The following GTSF1 variants were observed in gnomAD, a reference collection of about 807,000 sequenced individuals.
GTSF1 encodes the protein gametocyte-specific factor 1.
Under a neutral mutation model 28.9 loss-of-function variants are expected in GTSF1, and 11 were observed. The ratio of observed to expected loss-of-function variants is 0.38; its 90% confidence interval spans 0.24 to 0.63. The LOEUF is 0.63. Ranked by LOEUF, GTSF1 falls within the 30% of genes least tolerant of loss-of-function variation. GTSF1 has a pLI of 0.56. For missense variants in GTSF1, 146 were observed against 201.0 expected (o/e 0.73, Z 1.66); for synonymous variants, 69 against 65.6 (o/e 1.05, Z -0.25).
At chr12:54,460,339 T>G in intron 7 of GTSF1, 38 bp downstream of exon 7, 1 of 1,408,544 alleles carries the variant, frequency 7.1e-7, no homozygotes, top group Non-Finnish European at 1.0e-6. Context: ...TTTAGCACAA[T>G]GAAAAGAGTA....
intron 8 of GTSF1, among the ~76,000 whole-genome samples, chr12:54,458,019 T>G (rs1472434164): frequency 1.3e-5 from 2 of 152,240 alleles, no homozygotes; most frequent in Non-Finnish European, 2.9e-5. Context: ...GTTTCACTGT[T>G]CAGAGAGAGT....
intron 3 of GTSF1, among the ~76,000 whole-genome samples, chr12:54,463,634 G>T (rs1172233803): frequency 6.6e-6 from 1 of 152,132 alleles, no homozygotes; most frequent in African/African-American, 2.4e-5. Context: ...AGGCAGCACA[G>T]CCCGTAATGA....
At position 54,456,024 on chromosome 12, in the gene GTSF1, A is replaced by T. The variant is rs1956324919; in HGVS notation, c.*150T>A. On this transcript the variant is annotated 3_prime_UTR_variant, in exon 9 of 9. Coordinates refer to ENST00000305879, the MANE Select transcript of GTSF1 (RefSeq NM_144594.3). ...GGTTCTTGCATTAAATGAGGATTCA[A>T]GGGGGGAGGAAAAAAGTGTGCTTGT... 6.6e-6 allele frequency: 1 copy of T among 152,588 alleles called. No homozygotes were observed. The highest frequency in any genetic ancestry group is 1.5e-5 in the Non-Finnish European group (1 of 68,026). The allele number at this position is 152,588 out of a possible 1,614,324, so 9.5% of individuals were successfully genotyped here.
intron 2 of GTSF1, among the ~76,000 whole-genome samples, chr12:54,470,379 C>T (rs1401593349): frequency 6.6e-6 from 1 of 152,152 alleles, no homozygotes; most frequent in Non-Finnish European, 1.5e-5. Context: ...TGCATGTTAA[C>T]AAGTTTGAGA....
chr12:54,469,784 G>T (rs986548376), intron 2 of GTSF1, among the ~76,000 whole-genome samples: 1 of 151,472 alleles, frequency 6.6e-6, no homozygotes, highest in Non-Finnish European at 1.5e-5. Flanking sequence ...TAACTCCTAG[G>T]CTCAAGTGAT....
At chr12:54,461,982 T>C (rs1956430183) in intron 6 of GTSF1, 127 bp downstream of exon 6, 1 of 655,024 alleles carries the variant, frequency 1.5e-6, no homozygotes, top group Non-Finnish European at 2.7e-6. Context: ...CAAAACAATA[T>C]CTAGACTAAA....
At chr12:54,465,008 T>C (rs1337957395) in intron 3 of GTSF1, 59 bp downstream of exon 3, 1 of 959,702 alleles carries the variant, frequency 1.0e-6, no homozygotes, top group Non-Finnish European at 1.6e-6. Flanking sequence ...TTGATATTTA[T>C]AAAATATGGC....
intron 2 of GTSF1, among the ~76,000 whole-genome samples, chr12:54,466,408 T>C (rs1956513162): frequency 6.6e-6 from 1 of 152,138 alleles, no homozygotes; most frequent in Admixed American, 6.5e-5. Context: ...TTGCCAACCA[T>C]GATCGTGATG....
Position 54,465,116 on chromosome 12 carries a change from T to C in GTSF1, c.68A>G (p.His23Arg), listed in dbSNP as rs1404762151. The C allele has an allele frequency of 1.9e-6, 3 of 1,613,608 alleles. No homozygotes were observed. The highest frequency in any genetic ancestry group is 2.5e-6 in the Non-Finnish European group (3 of 1,179,630). The change falls in exon 3 of 9, where the codon CAT becomes CGT. Residue 23 changes from histidine (H) to arginine (R), a missense_variant. His to Arg is a conservative substitution (Grantham distance 29). Coordinates refer to ENST00000305879, the MANE Select transcript of GTSF1 (RefSeq NM_144594.3). ...KLLQCPYDKN[H>R]QIRACRFPYH... ...AGGAAACCTGCAAGCCCTGATTTGA[T>C]GGTTTTTGTCATAGGGGCATTGCAA...
chr12:54,472,772 A>G (rs1956607835), intron 1 of GTSF1: 1 of 152,148 alleles, frequency 6.6e-6, no homozygotes, highest in Admixed American at 6.5e-5. Flanking sequence ...TTTTTTTGCT[A>G]CTGAGCCCAT....
intron 3 of GTSF1, chr12:54,464,590 T>C (rs999718560): frequency 5.2e-5 from 8 of 152,446 alleles, no homozygotes; most frequent in African/African-American, 1.9e-4. Flanking sequence ...CGTTATTTAT[T>C]ATTTTTTTAA....
chr12:54,456,954 A>G (rs1956341800), intron 8 of GTSF1, among the ~76,000 whole-genome samples: 1 of 152,122 alleles, frequency 6.6e-6, no homozygotes, highest in South Asian at 2.1e-4. Context: ...GCGTGGTGGC[A>G]CACACCTGTA....
chr12:54,460,487 T>C lies in GTSF1; in HGVS notation c.393-16A>G. 1 of 1,587,312 alleles carries C rather than the reference T, an allele frequency of 6.3e-7. No homozygotes were observed. On this transcript the variant is annotated splice_polypyrimidine_tract_variant and intron_variant, in intron 6 of 8. Coordinates refer to ENST00000305879, the MANE Select transcript of GTSF1 (RefSeq NM_144594.3). Reference sequence around the variant, plus strand: ...GCTCGCAGGGCTGCAAAAAGATGAATTTGGCTATGTCGGCAGATCAGTATC... The same window carrying C: ...GCTCGCAGGGCTGCAAAAAGATGAACTTGGCTATGTCGGCAGATCAGTATC...
At chr12:54,465,304 A>G (rs536505536) in intron 2 of GTSF1, 137 bp from the exon 3 acceptor site, 1 of 499,260 alleles carries the variant, frequency 2.0e-6, no homozygotes, top group Non-Finnish European at 3.6e-6. Context: ...TGGATTAAAA[A>G]AAAAGGGTGA....
At chr12:54,460,293 A>G in intron 7 of GTSF1, 84 bp downstream of exon 7, 1 of 1,016,972 alleles carries the variant, frequency 9.8e-7, no homozygotes, top group East Asian at 2.4e-5. Flanking sequence ...CAAGGTGTTC[A>G]GACTGAACAC....
rs188520598 is a variant in GTSF1 at position 54,462,182 on chromosome 12, G to A, written c.329-10C>T. 4.7e-4 allele frequency: 749 copies of A among 1,608,696 alleles called. 3 individuals are homozygous for A. The African/African-American group carries it at 8.0e-3, about 17-fold the overall frequency. Reference sequence around the variant, plus strand: ...GTCTGCTCCCACAAATCTGTTAAAGGAAGCAAAACATAGTTTGTGGTACTA... The same window carrying A: ...GTCTGCTCCCACAAATCTGTTAAAGAAAGCAAAACATAGTTTGTGGTACTA... On this transcript the variant is annotated splice_polypyrimidine_tract_variant and intron_variant, in intron 5 of 8. Coordinates refer to ENST00000305879, the MANE Select transcript of GTSF1 (RefSeq NM_144594.3).
chr12:54,457,054 C>T (rs1956343592), intron 8 of GTSF1, among the ~76,000 whole-genome samples: 1 of 152,176 alleles, frequency 6.6e-6, no homozygotes, highest in South Asian at 2.1e-4. Context: ...CACTGCACTC[C>T]AGCCTGTGTG....
chr12:54,467,831 A>G (rs1352729988), intron 2 of GTSF1, among the ~76,000 whole-genome samples: 1 of 151,014 alleles, frequency 6.6e-6, no homozygotes, highest in Non-Finnish European at 1.5e-5. Context: ...CTGGAGTGCA[A>G]TGGCGAATCT....
intron 2 of GTSF1, among the ~76,000 whole-genome samples, chr12:54,465,448 A>C (rs1047756910): frequency 3.3e-5 from 5 of 152,168 alleles, no homozygotes; most frequent in African/African-American, 1.2e-4. Flanking sequence ...ACAAAAAGTT[A>C]AATAAAATGT....
Sources: allele counts gnomAD v4.1 joint callset (sites outside exome capture counted in the v4.1 genomes callset), GRCh38; gene constraint gnomAD v4.1.1; transcripts MANE v1.5; gene names NCBI Gene and HGNC (gene_info 2026-07-23, HGNC 2026-07-21).